The following SRPK2 variants were observed in gnomAD, a reference collection of about 807,000 sequenced individuals.
SRPK2 encodes the protein SRSF protein kinase 2, also known as SFRS protein kinase 2.
SRPK2 carries 21 observed loss-of-function variants against 90.8 expected under a neutral mutation model. The ratio of observed to expected loss-of-function variants is 0.23; its 90% CI spans 0.16 to 0.33. The LOEUF is 0.33. SRPK2 is among the 10% of genes least tolerant of loss of function. SRPK2 has a pLI of 1.00. For synonymous variants in SRPK2, 288 were observed against 311.1 expected (o/e 0.93, Z 0.78); for missense variants, 620 against 869.0 (o/e 0.71, Z 3.60).
chr7:105,259,150 C>T (rs1197213451), intron 2 of SRPK2, among the ~76,000 whole-genome samples: 1 of 152,184 alleles, frequency 6.6e-6, no homozygotes, highest in African/African-American at 2.4e-5. Context: ...ATCATCTCAG[C>T]CCAAAATCTC....
chr7:105,122,210 T>A (rs1279934753), intron 15 of SRPK2, among the ~76,000 whole-genome samples: 1 of 152,232 alleles, frequency 6.6e-6, no homozygotes, highest in Non-Finnish European at 1.5e-5. Context: ...CCTAGAAAAG[T>A]AAATCTTCAT....
intron 2 of SRPK2, among the ~76,000 whole-genome samples, chr7:105,316,271 G>A (rs1812301537): frequency 6.6e-6 from 1 of 152,002 alleles, no homozygotes; most frequent in Non-Finnish European, 1.5e-5. Context: ...GCCATCTTGA[G>A]GTAATCTTAA....
intron 7 of SRPK2, among the ~76,000 whole-genome samples, chr7:105,159,476 G>A (rs1456285443): frequency 1.9e-4 from 10 of 53,042 alleles, no homozygotes; most frequent in East Asian, 3.2e-4. Context: ...AAAAAAAACC[G>A]TACAAAAGGA....
intron 3 of SRPK2, among the ~76,000 whole-genome samples, chr7:105,185,966 A>C (rs906241367): frequency 6.6e-6 from 1 of 152,272 alleles, no homozygotes; most frequent in Non-Finnish European, 1.5e-5. Context: ...ACATAACTAT[A>C]ACTACATATA....
rs754284116 is a variant in SRPK2 at position 105,133,113 on chromosome 7, A to G, written c.1544-9T>C. 6.2e-7 allele frequency: 1 copy of G among 1,613,814 alleles called. No homozygotes were observed. ...AGCTGCCCGGGTTTTTGCTGGCATG[A>G]GCAAACAGCAGGACAGTTAGTGATC... On this transcript the variant is annotated splice_polypyrimidine_tract_variant and intron_variant, in intron 11 of 15. Transcript: ENST00000393651.
At chr7:105,266,167 A>G (rs1171470605) in intron 2 of SRPK2, among the ~76,000 whole-genome samples, 1 of 152,100 alleles carries the variant, frequency 6.6e-6, no homozygotes, top group Admixed American at 6.5e-5. Context: ...ACAACCTTCA[A>G]ATTCCATTAT....
At chr7:105,298,537 C>T (rs1310957395) in intron 2 of SRPK2, among the ~76,000 whole-genome samples, 2 of 152,120 alleles carry the variant, frequency 1.3e-5, no homozygotes, top group Non-Finnish European at 2.9e-5. Flanking sequence ...CTCTAAGAAA[C>T]TGCTAAATTG....
At position 105,320,122 on chromosome 7, in the gene SRPK2, G is replaced by A. The variant is rs77917141; in HGVS notation, c.71+68526C>T. Among the ~76,000 whole-genome samples, 515 of 152,162 alleles carry A rather than the reference G, an allele frequency of 3.4e-3. 6 individuals carry two copies. Among genetic ancestry groups the A allele is most frequent in the Middle Eastern group, 0.017 (5 of 294 alleles). On this transcript the variant is annotated intron_variant, in intron 2 of 15. Transcript: ENST00000393651. ...TCTTCAGGTGCATTGTCTACAGGTT[G>A]ATTTTGCTATATATTTAAGGCAAAT...
intron 2 of SRPK2, among the ~76,000 whole-genome samples, chr7:105,326,876 A>G (rs1162351555): frequency 6.6e-6 from 1 of 152,136 alleles, no homozygotes; most frequent in African/African-American, 2.4e-5. Flanking sequence ...AGCCTGACCA[A>G]CATGGTGAAA....
intron 2 of SRPK2, among the ~76,000 whole-genome samples, chr7:105,292,923 G>A (rs926516996): frequency 6.6e-6 from 1 of 152,150 alleles, no homozygotes; most frequent in Non-Finnish European, 1.5e-5. Flanking sequence ...TTCTGTTTGA[G>A]CATCTCCTTG....
chr7:105,273,123 G>C (rs547689355), intron 2 of SRPK2, among the ~76,000 whole-genome samples: 1 of 151,856 alleles, frequency 6.6e-6, no homozygotes, highest in African/African-American at 2.4e-5. Flanking sequence ...GCTGAGGCAG[G>C]AGAATGGCAT....
intron 2 of SRPK2, among the ~76,000 whole-genome samples, chr7:105,257,125 T>C (rs1803432736): frequency 6.6e-6 from 1 of 152,224 alleles, no homozygotes; most frequent in African/African-American, 2.4e-5. Context: ...ATTTCTGTGC[T>C]GGCTTTGTGG....
intron 2 of SRPK2, chr7:105,301,409 C>A: frequency 1.5e-6 from 1 of 653,436 alleles, no homozygotes. Flanking sequence ...CTGTGCCGCC[C>A]CCACAACCAA....
At chr7:105,388,757 G>T in intron 1 of SRPK2, 34 bp downstream of exon 1, 1 of 1,534,264 alleles carries the variant, frequency 6.5e-7, no homozygotes, top group South Asian at 1.2e-5. Flanking sequence ...GGCTGGCCGC[G>T]TGGCGGGGAG....
intron 2 of SRPK2, among the ~76,000 whole-genome samples, chr7:105,291,028 G>C (rs1199738756): frequency 2.4e-5 from 3 of 126,094 alleles, no homozygotes; most frequent in Admixed American, 1.8e-4. Flanking sequence ...CTGGGCGACA[G>C]AGCGAGACTC....
At chr7:105,231,704 T>C (rs1468870591) in intron 2 of SRPK2, among the ~76,000 whole-genome samples, 13 of 152,234 alleles carry the variant, frequency 8.5e-5, no homozygotes. Context: ...ATTGGCCCCA[T>C]GTATGTCTTC....
At position 105,132,885 on chromosome 7, in the gene SRPK2, G is replaced by A. The variant is rs1480685542; in HGVS notation, c.1658C>T (p.Thr553Met). ...GTACTGACGCGTCTGGATGTCTTCC[G>A]TGAAGTGTTTATGCTGGAAGGGAAC... ...GNACWVHKHF[T>M]EDIQTRQYRS... The change falls in exon 13 of 16, where the codon ACG becomes ATG. Residue 553 changes from threonine (T) to methionine (M), a missense_variant. Thr to Met is a moderately conservative substitution (Grantham distance 81, BLOSUM62 -1). Around this residue, in one of 8 missense-constraint regions of SRPK2, gnomAD observed 20 missense variants for 54.3 expected, o/e 0.37. Transcript: ENST00000393651. The A allele has an allele frequency of 1.2e-6, 2 of 1,612,442 alleles. No homozygotes were observed. Among genetic ancestry groups the A allele is most frequent in the Admixed American group, 1.7e-5 (1 of 59,710 alleles).
At chr7:105,225,867 G>A (rs903061229) in intron 2 of SRPK2, among the ~76,000 whole-genome samples, 1 of 151,026 alleles carries the variant, frequency 6.6e-6, no homozygotes, top group Non-Finnish European at 1.5e-5. Context: ...CCAGACACAT[G>A]TGGCTATTTA....
intron 2 of SRPK2, among the ~76,000 whole-genome samples, chr7:105,382,457 C>T (rs2132684018): frequency 6.9e-6 from 1 of 145,188 alleles, no homozygotes; most frequent in African/African-American, 2.5e-5. Flanking sequence ...GAGGCTAAGT[C>T]AGGAGAATCG....
Sources: allele counts gnomAD v4.1 joint callset (sites outside exome capture counted in the v4.1 genomes callset), GRCh38; gene constraint gnomAD v4.1.1; regional missense constraint gnomAD v4.1.1; transcripts MANE v1.5; gene names NCBI Gene and HGNC (gene_info 2026-07-23, HGNC 2026-07-21).